TPGS2: variants seen among roughly 807,000 people sequenced by gnomAD.
TPGS2 encodes the protein tubulin polyglutamylase complex subunit 2.
Under a neutral mutation model 31.1 loss-of-function variants are expected in TPGS2, and 26 were observed. That is an observed-to-expected ratio of 0.84 (90% CI 0.61 to 1.16). TPGS2 has a LOEUF of 1.16. Among genes scored for constraint, TPGS2 ranks in the 50% most tolerant of loss-of-function variants. The probability of loss-of-function intolerance (pLI) is 0.00; values close to 1 mark genes in which losing one functional copy is unlikely to be tolerated. For synonymous variants in TPGS2, 130 were observed against 136.6 expected, an observed-to-expected ratio of 0.95 and a Z score of 0.34; for missense variants, 351 against 363.8, an observed-to-expected ratio of 0.96 and a Z score of 0.29.
Position 36,797,009 on chromosome 18 carries a change from G to C in TPGS2, c.699C>G (p.Asn233Lys). ...AGGAGTCGGTCTCTTCTGTGAGCAG[G>C]TTTGTGTTGTAGGTGATAGGTTTAT... ...SMYKPITYNTNLLTEETDSFV... is the reference protein window; with the variant it reads ...SMYKPITYNTKLLTEETDSFV... The change falls in exon 7 of 7, where the codon AAC (asparagine) becomes AAG (lysine). Residue 233 changes from asparagine (N) to lysine (K), a missense_variant. Transcript: ENST00000334295. The C allele has an allele frequency of 6.2e-7, 1 of 1,600,292 alleles. No individual in the cohort carries two copies. Among genetic ancestry groups the C allele is most frequent in the Non-Finnish European group, 8.5e-7 (1 of 1,176,310 alleles).
At chr18:36,801,308 G>A (rs975100236) in intron 4 of TPGS2, among the ~76,000 whole-genome samples, 2 of 152,082 alleles carry the variant, frequency 1.3e-5, no homozygotes, top group African/African-American at 4.8e-5. Context: ...TATTTTAATG[G>A]GTATAGAATT....
At chr18:36,828,012 G>A (rs946858121) in intron 1 of TPGS2, among the ~76,000 whole-genome samples, 2 of 152,062 alleles carry the variant, frequency 1.3e-5, no homozygotes, top group Non-Finnish European at 2.9e-5. Context: ...TTCGAGACCA[G>A]CCTGGCCAAC....
chr18:36,802,603 C>T (rs1458248672), intron 4 of TPGS2, among the ~76,000 whole-genome samples: 5 of 151,928 alleles, frequency 3.3e-5, no homozygotes, highest in Non-Finnish European at 7.4e-5. Flanking sequence ...TATCTAATAA[C>T]GTCACTCTTA....
At chr18:36,827,007 A>G (rs1182895968) in intron 1 of TPGS2, among the ~76,000 whole-genome samples, 1 of 151,964 alleles carries the variant, frequency 6.6e-6, no homozygotes, top group Non-Finnish European at 1.5e-5. Context: ...TTATTCTATT[A>G]GTAAGTTGTA....
downstream of TPGS2, chr18:36,789,407 A>G (rs559745677): frequency 6.6e-6 from 1 of 152,326 alleles, no homozygotes; most frequent in South Asian, 2.1e-4. Context: ...GACATATGTG[A>G]TTACTGAATA....
intron 6 of TPGS2, chr18:36,786,599 G>A (rs1255649315): frequency 5.7e-6 from 2 of 347,890 alleles, no homozygotes; most frequent in Admixed American, 9.5e-5. Context: ...TTATTATTTG[G>A]TATCTTATTG....
chr18:36,819,100 C>A, intron 1 of TPGS2, 127 bp from the exon 2 acceptor site: 1 of 733,350 alleles, frequency 1.4e-6, no homozygotes, highest in Non-Finnish European at 2.3e-6. Flanking sequence ...ACACTTATTA[C>A]CCCTGTAATG....
In TPGS2 at chr18:36,805,387, G is replaced by A. The variant is rs758677668; in HGVS notation, c.369C>T (p.Asp123=). ...GTATCTTCCTACCTTCATGTGTATCGTCCTCCAGGTCTGCCAGAGTGGGTG... is the reference window on the plus strand; with the variant it reads ...GTATCTTCCTACCTTCATGTGTATCATCCTCCAGGTCTGCCAGAGTGGGTG... ...PNAPTLADLE[D]DTHEASDDQP... The change falls in exon 4 of 7, where the codon GAC becomes GAT. Residue 123 remains aspartate, a synonymous_variant. Transcript: ENST00000334295. 27 of 1,613,738 alleles carry A rather than the reference G, an allele frequency of 1.7e-5. No homozygotes were observed. The highest frequency in any genetic ancestry group is 6.7e-5 in the East Asian group (3 of 44,888).
intron 6 of TPGS2, among the ~76,000 whole-genome samples, chr18:36,788,464 G>A (rs1236212839): frequency 1.3e-5 from 2 of 152,168 alleles, no homozygotes; most frequent in South Asian, 2.1e-4. Context: ...AAAGCTGGGC[G>A]CTGGGGCCTT....
chr18:36,783,189 A>C, intron 6 of TPGS2: 3 of 396,796 alleles, frequency 7.6e-6, no homozygotes, highest in Non-Finnish European at 1.3e-5. Flanking sequence ...TTTTAGTGAA[A>C]CTAAAGGATG....
At chr18:36,814,589 A>G (rs2045572186) in intron 2 of TPGS2, among the ~76,000 whole-genome samples, 1 of 152,184 alleles carries the variant, frequency 6.6e-6, no homozygotes, top group Non-Finnish European at 1.5e-5. Context: ...TACATGATGA[A>G]CATGAGATCC....
chr18:36,807,339 T>C (rs1173349917), intron 3 of TPGS2, among the ~76,000 whole-genome samples: 1 of 152,110 alleles, frequency 6.6e-6, no homozygotes, highest in Non-Finnish European at 1.5e-5. Context: ...AGCCTGTGAA[T>C]TGAGGTAGCT....
In TPGS2 at chr18:36,795,008, T is replaced by C. The variant is rs2044461486; in HGVS notation, c.*1797A>G. 2.0e-6 allele frequency: 2 copies of C among 985,440 alleles called. No individual in the cohort carries two copies. Among genetic ancestry groups the C allele is most frequent in the Non-Finnish European group, 2.4e-6 (2 of 829,942 alleles). 61.0% of individuals were successfully genotyped at this position (985,440 alleles called of 1,614,324 possible). The stretch of plus-strand genomic sequence containing the variant: ...CTCAGTTTATGCTCCCAAAGACTCT[T>C]AAGCGCTGATATTTCAAGACTTTGA... On this transcript the variant is annotated 3_prime_UTR_variant, in exon 7 of 7. Coordinates refer to ENST00000334295, the MANE Select transcript of TPGS2 (RefSeq NM_015476.4).
At chr18:36,788,218 A>G (rs1290327014) in intron 6 of TPGS2, among the ~76,000 whole-genome samples, 1 of 77,446 alleles carries the variant, frequency 1.3e-5, no homozygotes, top group Non-Finnish European at 2.4e-5. Flanking sequence ...TTTAGAATCT[A>G]ATTTTCACAG....
intron 5 of TPGS2, among the ~76,000 whole-genome samples, chr18:36,799,627 A>C (rs2044705786): frequency 6.6e-6 from 1 of 152,132 alleles, no homozygotes; most frequent in Admixed American, 6.5e-5. Flanking sequence ...CTTGCCCCAG[A>C]GGTAAATCCT....
chr18:36,808,178 T>G (rs1011673877), intron 2 of TPGS2, among the ~76,000 whole-genome samples: 1 of 152,058 alleles, frequency 6.6e-6, no homozygotes. Flanking sequence ...AATGCCTCAA[T>G]GGGCAGCCAC....
intron 5 of TPGS2, among the ~76,000 whole-genome samples, 167 bp downstream of exon 5, chr18:36,800,031 G>A (rs1338980454): frequency 6.6e-6 from 1 of 152,124 alleles, no homozygotes; most frequent in Non-Finnish European, 1.5e-5. Flanking sequence ...AGCCCAAAGG[G>A]TGATGCTCAG....
At chr18:36,808,021 C>T in intron 2 of TPGS2, 87 bp from the exon 3 acceptor site, 2 of 1,260,626 alleles carry the variant, frequency 1.6e-6, no homozygotes, top group Non-Finnish European at 2.3e-6. Context: ...ACACGTTTAG[C>T]ATGTTATACG....
At chr18:36,805,680 C>T (rs2045090223) in intron 3 of TPGS2, among the ~76,000 whole-genome samples, 178 bp from the exon 4 acceptor site, 1 of 152,070 alleles carries the variant, frequency 6.6e-6, no homozygotes, top group Non-Finnish European at 1.5e-5. Flanking sequence ...ACCAACCTTT[C>T]ATACAAAAAA....
Sources: allele counts gnomAD v4.1 joint callset (sites outside exome capture counted in the v4.1 genomes callset), GRCh38; gene constraint gnomAD v4.1.1; transcripts MANE v1.5; gene names NCBI Gene and HGNC (gene_info 2026-07-23, HGNC 2026-07-21).